Variants in PARVB observed in about 807,000 individuals in gnomAD.
PARVB encodes the protein parvin beta, also known as beta-parvin.
In PARVB, 46 loss-of-function variants were observed where a neutral mutation model predicts 47.0. That is an observed-to-expected ratio of 0.98 (90% confidence interval 0.77 to 1.25). PARVB has a LOEUF of 1.25. Ranked by LOEUF, PARVB falls within the 50% of genes most tolerant of loss-of-function variation. PARVB has a pLI of 0.00. For synonymous variants in PARVB, 196 were observed against 196.3 expected, an observed-to-expected ratio of 1.00 and a Z score of 0.01; for missense variants, 473 against 471.6, an observed-to-expected ratio of 1.00 and a Z score of -0.03.
At chr22:44,031,684 C>T (rs2267596) in intron 1 of PARVB, among the ~76,000 whole-genome samples, 107,893 of 151,654 alleles carry the variant, frequency 0.71, 38,644 homozygotes, top group African/African-American at 0.79. Flanking sequence ...CCCTCCCCAC[C>T]GCTGTGGAAT....
rs140308461 is a variant in PARVB, at chr22:44,025,563, C to T, written c.112+1112C>T. Among the ~76,000 whole-genome samples, 374 of 152,318 alleles carry T rather than the reference C, an allele frequency of 2.5e-3. 6 individuals carry two copies. Among genetic ancestry groups the T allele is most frequent in the South Asian group, 0.024 (118 of 4,830 alleles). On this transcript the variant is annotated intron_variant, in intron 1 of 12. Transcript: ENST00000338758. ...CCCCAGGGATGCGTGTCTTCCCACC[C>T]GTGATCCTGTTCCAAGAGGGCAGGG...
rs777273800 is a variant in PARVB at position 44,163,845 on chromosome 22, C to T, written c.946-13C>T. 6.2e-7 allele frequency: 1 copy of T among 1,601,874 alleles called. No homozygotes were observed. The highest frequency in any genetic ancestry group is 2.3e-5 in the East Asian group (1 of 44,182). On this transcript the variant is annotated splice_polypyrimidine_tract_variant and intron_variant, in intron 11 of 12. Coordinates refer to ENST00000338758, the MANE Select transcript of PARVB (RefSeq NM_013327.5). ...TTGGACCCTAACGCTGACCCACCCC[C>T]CTTCCTTGGCAGGTCCACAATGTGT...
At chr22:44,071,620 C>A (rs1420134381) in intron 1 of PARVB, among the ~76,000 whole-genome samples, 2 of 152,180 alleles carry the variant, frequency 1.3e-5, no homozygotes, top group East Asian at 3.9e-4. Flanking sequence ...GAGGCCCTGA[C>A]TGGAATCCCT....
At chr22:44,000,977 G>A (rs9614306) in intron 2 of PARVB, among the ~76,000 whole-genome samples, 175 of 152,350 alleles carry the variant, frequency 1.1e-3, no homozygotes, top group Non-Finnish European at 2.1e-3. Flanking sequence ...GGCCAGGTGC[G>A]GTGGCCCATG....
intron 11 of PARVB, among the ~76,000 whole-genome samples, chr22:44,159,306 GC>G (rs1230597999): frequency 6.6e-6 from 1 of 152,204 alleles, no homozygotes; most frequent in African/African-American, 2.4e-5. Flanking sequence ...AGTGAGTTTA[GC>G]CAGGAGACCT....
chr22:44,095,193 C>G (rs2052272564), intron 2 of PARVB, among the ~76,000 whole-genome samples: 1 of 151,950 alleles, frequency 6.6e-6, no homozygotes, highest in Non-Finnish European at 1.5e-5. Context: ...CAGCAAGGCC[C>G]CGAGATGCCA....
chr22:44,041,613 G>C (rs1352348407), intron 1 of PARVB, among the ~76,000 whole-genome samples: 1 of 152,236 alleles, frequency 6.6e-6, no homozygotes, highest in African/African-American at 2.4e-5. Flanking sequence ...GCCAGGCACA[G>C]TGGTTCACGC....
At chr22:44,060,492 G>A (rs1009066339) in intron 1 of PARVB, among the ~76,000 whole-genome samples, 14 of 152,182 alleles carry the variant, frequency 9.2e-5, no homozygotes, top group African/African-American at 3.4e-4. Flanking sequence ...GGAGCTTTGA[G>A]GTTCTAAAAA....
intron 4 of PARVB, among the ~76,000 whole-genome samples, chr22:44,121,454 G>A (rs1380029856): frequency 1.1e-4 from 16 of 152,044 alleles, no homozygotes; most frequent in Admixed American, 1.0e-3. Flanking sequence ...TATTATGCTG[G>A]AGGTTGCAAA....
chr22:44,044,230 G>A (rs1252823209), intron 1 of PARVB, among the ~76,000 whole-genome samples: 3 of 138,220 alleles, frequency 2.2e-5, no homozygotes, highest in African/African-American at 8.2e-5. Flanking sequence ...TCGCTCTGTT[G>A]TCAAGGCTGG....
chr22:44,067,627 C>T (rs896040434), intron 1 of PARVB, among the ~76,000 whole-genome samples: 3 of 152,204 alleles, frequency 2.0e-5, no homozygotes, highest in African/African-American at 7.2e-5. Context: ...ACTTGGCTGT[C>T]GAGGCATCTC....
chr22:44,134,822 C>G (rs1232071066), intron 6 of PARVB, among the ~76,000 whole-genome samples: 1 of 152,206 alleles, frequency 6.6e-6, no homozygotes, highest in African/African-American at 2.4e-5. Context: ...CTTGCTTTTG[C>G]TGAGCTGCAA....
At chr22:44,022,464 G>A (rs1603423820), upstream of PARVB, among the ~76,000 whole-genome samples, 1 of 152,092 alleles carries the variant, frequency 6.6e-6, no homozygotes, top group Admixed American at 6.6e-5. Context: ...CTGTGCCCAC[G>A]TTCTCCTTGA....
rs1219839050 is a variant in PARVB, at chr22:44,155,889, A to G, written c.844-2093A>G. Among the ~76,000 whole-genome samples, 3 of 152,170 alleles carry G rather than the reference A, an allele frequency of 2.0e-5. No individual in the cohort carries two copies. The highest frequency in any genetic ancestry group is 2.9e-5 in the Non-Finnish European group (2 of 68,026). ...GTTGAATTTCCAGGCGCAGTGGCTC[A>G]TGCCTGCAATCCTAGCACTTTGGGT... On this transcript the variant is annotated intron_variant, in intron 10 of 12. Transcript: ENST00000338758. This position sits in a 1 kb window ranked among gnomAD's most constrained non-coding sequence, Gnocchi z 4.8.
intron 3 of PARVB, chr22:44,109,270 G>C (rs1286705159): frequency 6.6e-6 from 1 of 152,232 alleles, no homozygotes. Context: ...AAACATAACT[G>C]TCATAGCTCT....
intron 1 of PARVB, among the ~76,000 whole-genome samples, chr22:44,051,432 T>TC (rs1239243033): frequency 6.6e-6 from 1 of 152,076 alleles, no homozygotes; most frequent in Non-Finnish European, 1.5e-5. Context: ...AGCCCTTCAG[T>TC]CCCAGCTCTG....
chr22:44,134,834 G>C (rs2053408007), intron 6 of PARVB, among the ~76,000 whole-genome samples: 1 of 152,202 alleles, frequency 6.6e-6, no homozygotes, highest in African/African-American at 2.4e-5. Context: ...GAGCTGCAAT[G>C]CTTTTCCCCA....
rs1008820099 is a variant in PARVB, at chr22:44,170,720, C to G, written c.*2042C>G. 5 of 152,316 alleles carry G rather than the reference C, an allele frequency of 3.3e-5. No individual in the cohort carries two copies. In the East Asian group the frequency reaches 9.7e-4, roughly 29 times the overall value. The allele number at this position is 152,316 out of a possible 1,614,324, so 9.4% of individuals were successfully genotyped here. A position where few individuals can be genotyped will look rare whatever the true frequency, so the allele number is the denominator to read the frequency against. ...CCTTCCCAGGGTGATGACCCGCTGACCCCCTGGGGTGCACCTGCTGCAAAG... is the reference window on the plus strand; with the variant it reads ...CCTTCCCAGGGTGATGACCCGCTGAGCCCCTGGGGTGCACCTGCTGCAAAG... On this transcript the variant is annotated 3_prime_UTR_variant, in exon 13 of 13. Coordinates refer to ENST00000338758, the MANE Select transcript of PARVB (RefSeq NM_013327.5).
At chr22:44,039,833 AAGATG>A in intron 1 of PARVB, 1 of 455,206 alleles carries the variant, frequency 2.2e-6, no homozygotes. Context: ...ATTTTTTTCA[AAGATG>A]AGATCTCACT....
Sources: allele counts gnomAD v4.1 joint callset (sites outside exome capture counted in the v4.1 genomes callset), GRCh38; gene constraint gnomAD v4.1.1; non-coding constraint Gnocchi (gnomAD v3.1); transcripts MANE v1.5; gene names NCBI Gene and HGNC (gene_info 2026-07-23, HGNC 2026-07-21).